Variants in AGAP1 observed in about 807,000 individuals in gnomAD.
AGAP1 encodes arf-GAP with GTPase, ANK repeat and PH domain-containing protein 1.
In AGAP1, 29 loss-of-function variants were observed where a neutral mutation model predicts 105.3. The ratio of observed to expected loss-of-function variants is 0.28; its 90% confidence interval spans 0.21 to 0.38. The LOEUF (loss-of-function observed/expected upper bound fraction) is 0.38. Among genes scored for constraint, AGAP1 ranks in the 10% least tolerant of loss-of-function variants. The probability of loss-of-function intolerance (pLI) is 1.00; values close to 1 mark genes in which losing one functional copy is unlikely to be tolerated. For synonymous variants in AGAP1, 509 were observed against 485.9 expected (o/e 1.05, Z -0.63); for missense variants, 998 against 1,165.1 (o/e 0.86, Z 2.09).
chr2:235,583,272 T>G (rs945979266), intron 1 of AGAP1, among the ~76,000 whole-genome samples: 3 of 152,012 alleles, frequency 2.0e-5, no homozygotes, highest in Non-Finnish European at 4.4e-5. Context: ...CATGTCTTAC[T>G]GCGGCCTTGA....
intron 9 of AGAP1, among the ~76,000 whole-genome samples, chr2:235,835,987 A>G (rs1454450380): frequency 6.6e-6 from 1 of 152,204 alleles, no homozygotes; most frequent in Non-Finnish European, 1.5e-5. Flanking sequence ...ATTCATTTAG[A>G]TTTATAAGCA....
intron 16 of AGAP1, among the ~76,000 whole-genome samples, chr2:236,116,390 C>T (rs1000849304): frequency 1.6e-5 from 2 of 121,482 alleles, no homozygotes; most frequent in African/African-American, 5.9e-5. Context: ...TGCTCTGTCG[C>T]CCACGCTGGA....
chr2:236,049,812 C>T (rs1257603505), intron 16 of AGAP1: 1 of 152,340 alleles, frequency 6.6e-6, no homozygotes, highest in Non-Finnish European at 1.5e-5. Context: ...TAATTGTTAT[C>T]CAGTGTAAAA....
At chr2:235,790,635 C>G (rs142582029) in intron 6 of AGAP1, among the ~76,000 whole-genome samples, 168 of 152,356 alleles carry the variant, frequency 1.1e-3, no homozygotes, top group Non-Finnish European at 1.6e-3. Context: ...CTCTGCATAT[C>G]AGGTCCTTAG....
At position 236,123,811 on chromosome 2, in the gene AGAP1, C is replaced by T; in HGVS notation, c.2371-108C>T. On this transcript the variant is annotated intron_variant, in intron 17 of 17. Transcript: ENST00000304032. This position sits in a 1 kb window ranked among gnomAD's most constrained non-coding sequence, Gnocchi z 4.6. The stretch of plus-strand genomic sequence containing the variant: ...CACCCCAGCCAGTTGTGTAGCTGGC[C>T]CCGCTGTCCAAGCACAAGCCACATG... 7.3e-7 allele frequency: 1 copy of T among 1,372,154 alleles called. No homozygotes were observed. The highest frequency in any genetic ancestry group is 1.0e-6 in the Non-Finnish European group (1 of 994,582). 85.0% of individuals were successfully genotyped at this position (1,372,154 alleles called of 1,614,324 possible).
chr2:235,675,549 C>G (rs537467742), intron 1 of AGAP1, among the ~76,000 whole-genome samples: 1 of 152,096 alleles, frequency 6.6e-6, no homozygotes, highest in Non-Finnish European at 1.5e-5. Flanking sequence ...ACTGATTAGT[C>G]TTTTGTTATT....
chr2:235,511,209 TG>T (rs1404114417), intron 1 of AGAP1, among the ~76,000 whole-genome samples: 1 of 151,966 alleles, frequency 6.6e-6, no homozygotes, highest in African/African-American at 2.4e-5. Context: ...CCAGGTCAGA[TG>T]AGCTCTGTGA....
intron 16 of AGAP1, among the ~76,000 whole-genome samples, chr2:236,052,290 T>C (rs1425187147): frequency 6.6e-6 from 1 of 152,098 alleles, no homozygotes; most frequent in Non-Finnish European, 1.5e-5. Flanking sequence ...GGAATATAAT[T>C]AGAAATGCGT....
rs1317950581 is a variant in AGAP1 at position 236,078,003 on chromosome 2, G to T, written c.2114+28722G>T. ...TCTTTGCTCTGCTCACAGCCATGCTGTATCCATCAGGGTTCTCCAGAGAAA... is the reference window on the plus strand; with the variant it reads ...TCTTTGCTCTGCTCACAGCCATGCTTTATCCATCAGGGTTCTCCAGAGAAA... On this transcript the variant is annotated intron_variant, in intron 16 of 17. Transcript: ENST00000304032. This position sits in a 1 kb window ranked among gnomAD's most constrained non-coding sequence, Gnocchi z 5.3. 6.6e-6 allele frequency among the ~76,000 whole-genome samples: 1 copy of T among 151,642 alleles called. No homozygotes were observed. The highest frequency in any genetic ancestry group is 1.5e-5 in the Non-Finnish European group (1 of 67,992).
intron 1 of AGAP1, among the ~76,000 whole-genome samples, chr2:235,518,264 T>C (rs978996112): frequency 2.0e-5 from 3 of 151,714 alleles, no homozygotes; most frequent in African/African-American, 7.2e-5. Flanking sequence ...GATTGGATGC[T>C]TATCAGGAAT....
intron 13 of AGAP1, among the ~76,000 whole-genome samples, chr2:235,984,608 C>T (rs182225282): frequency 1.3e-5 from 2 of 152,036 alleles, no homozygotes; most frequent in African/African-American, 4.8e-5. Flanking sequence ...CCCTCACCCC[C>T]GACCCCCAAA....
Position 235,842,325 on chromosome 2 carries a change from CCA to C in AGAP1, c.1050+34997_1050+34998del, listed in dbSNP as rs1490697029. ...TTCAGATATGAATGTAGGCAACGAT[CCA>C]CAGTGGTGTTTTGTTAGCAGAACCT... On this transcript the variant is annotated intron_variant, in intron 9 of 17. Coordinates refer to ENST00000304032, the MANE Select transcript of AGAP1 (RefSeq NM_001037131.3). The surrounding 1 kb of genome is among the most constrained non-coding windows in gnomAD (Gnocchi z 5.3). Among the ~76,000 whole-genome samples the C allele has an allele frequency of 9.2e-5, 14 of 152,200 alleles. No individual in the cohort carries two copies. Among genetic ancestry groups the C allele is most frequent in the Admixed American group, 9.2e-4 (14 of 15,278 alleles).
At chr2:235,771,197 T>TA (rs1425396659) in intron 6 of AGAP1, among the ~76,000 whole-genome samples, 3 of 152,192 alleles carry the variant, frequency 2.0e-5, no homozygotes, top group African/African-American at 7.2e-5. Flanking sequence ...TTGAGAAAAT[T>TA]AAGTTTCTGT....
rs1373811103 is a variant in AGAP1, at chr2:235,747,879, C to T, written c.539-2475C>T. ...TCAGAGCATATGGGATGGGAAAGAA[C>T]GGAAGAGGAATTAGGTTCATTGCCA... On this transcript the variant is annotated intron_variant, in intron 5 of 17. Transcript: ENST00000304032. The surrounding 1 kb of genome is among the most constrained non-coding windows in gnomAD (Gnocchi z 5.0). Among the ~76,000 whole-genome samples, 1 of 152,174 alleles carries T rather than the reference C, an allele frequency of 6.6e-6. No individual in the cohort carries two copies. Among genetic ancestry groups the T allele is most frequent in the Non-Finnish European group, 1.5e-5 (1 of 68,034 alleles).
At chr2:236,057,620 TG>T (rs1231396493) in intron 16 of AGAP1, among the ~76,000 whole-genome samples, 2 of 152,118 alleles carry the variant, frequency 1.3e-5, no homozygotes, top group Non-Finnish European at 2.9e-5. Context: ...CACTGCGTTT[TG>T]GGAATATAAA....
At chr2:235,834,164 A>G (rs1324323247) in intron 9 of AGAP1, among the ~76,000 whole-genome samples, 1 of 152,148 alleles carries the variant, frequency 6.6e-6, no homozygotes, top group East Asian at 1.9e-4. Flanking sequence ...CCGTGGTCAG[A>G]TGGGCGCCCC....
At chr2:235,933,887 T>C (rs2052856363) in intron 12 of AGAP1, among the ~76,000 whole-genome samples, 1 of 152,168 alleles carries the variant, frequency 6.6e-6, no homozygotes, top group Non-Finnish European at 1.5e-5. Flanking sequence ...GAGACAATAA[T>C]CGTAATAATA....
At chr2:235,870,105 C>T (rs902594058) in intron 9 of AGAP1, among the ~76,000 whole-genome samples, 2 of 152,202 alleles carry the variant, frequency 1.3e-5, no homozygotes, top group Admixed American at 6.5e-5. Context: ...CTAGCTACTT[C>T]ACTCTACCCT....
chr2:235,711,878 G>A (rs1400191467), intron 2 of AGAP1, among the ~76,000 whole-genome samples: 4 of 152,172 alleles, frequency 2.6e-5, no homozygotes, highest in South Asian at 4.1e-4. Flanking sequence ...CTTCACAAAC[G>A]CAGCAGTGAC....
Sources: gnomAD v4.1 joint callset for allele counts (sites outside exome capture counted in the v4.1 genomes callset) on GRCh38, gnomAD v4.1.1 for gene constraint, Gnocchi (gnomAD v3.1) non-coding constraint, MANE v1.5 for transcripts, NCBI Gene and HGNC (gene_info 2026-07-23, HGNC 2026-07-21) for gene names.